Variants in OPCML observed in about 807,000 individuals in gnomAD.
The protein encoded by OPCML is opioid binding protein/cell adhesion molecule like, also known as opioid-binding protein/cell adhesion molecule.
Under a neutral mutation model 37.8 loss-of-function variants are expected in OPCML, and 13 were observed. The ratio of observed to expected loss-of-function variants is 0.34; its 90% CI spans 0.22 to 0.55. OPCML has a LOEUF of 0.55. Among genes scored for constraint, OPCML ranks in the 20% least tolerant of loss-of-function variants. OPCML has a pLI of 0.91. For missense variants in OPCML, 341 were observed against 435.6 expected, an observed-to-expected ratio of 0.78 and a Z score of 1.93; for synonymous variants, 176 against 168.8, an observed-to-expected ratio of 1.04 and a Z score of -0.33.
At chr11:132,427,726 G>A (rs952808821) in intron 7 of OPCML, among the ~76,000 whole-genome samples, 5 of 152,228 alleles carry the variant, frequency 3.3e-5, no homozygotes, top group South Asian at 4.1e-4. Flanking sequence ...CTCTGTGTCT[G>A]TGCTGACATC....
chr11:133,335,836 A>G, intron 1 of OPCML, among the ~76,000 whole-genome samples: 1 of 152,020 alleles, frequency 6.6e-6, no homozygotes, highest in East Asian at 1.9e-4. Context: ...GTTGAGGTCC[A>G]AGCAGGAAGC....
chr11:132,622,464 T>C (rs1160395090), intron 3 of OPCML, among the ~76,000 whole-genome samples: 1 of 151,968 alleles, frequency 6.6e-6, no homozygotes, highest in African/African-American at 2.4e-5. Flanking sequence ...AAGGAAGAGG[T>C]GAAATGGCAG....
Position 132,830,256 on chromosome 11 carries a change from G to T in OPCML, c.146+112670C>A, listed in dbSNP as rs568922624. 5.3e-5 allele frequency among the ~76,000 whole-genome samples: 8 copies of T among 152,280 alleles called. No individual in the cohort carries two copies. In the South Asian group the frequency reaches 1.7e-3, roughly 32 times the overall value. On this transcript the variant is annotated intron_variant, in intron 2 of 7. Coordinates refer to ENST00000524381, the MANE Select transcript of OPCML (RefSeq NM_001012393.5). ...TCTTCCAATTACTATAGAGATCAAA[G>T]TTAAACCATGCCAACTTCTCTGAGC...
chr11:132,886,517 G>A (rs1361316314), intron 2 of OPCML, among the ~76,000 whole-genome samples: 1 of 152,260 alleles, frequency 6.6e-6, no homozygotes, highest in Admixed American at 6.5e-5. Flanking sequence ...TCTCCAGCAT[G>A]TGGTCTCTGG....
chr11:133,088,393 C>T (rs1948849933), intron 1 of OPCML, among the ~76,000 whole-genome samples: 1 of 152,212 alleles, frequency 6.6e-6, no homozygotes, highest in Admixed American at 6.5e-5. Context: ...ATCCAAGTGA[C>T]CATGAGTGCT....
chr11:132,796,849 G>A lies in OPCML; in HGVS notation c.147-139530C>T, dbSNP rs373699820. On this transcript the variant is annotated intron_variant, in intron 2 of 7. Transcript: ENST00000524381. ...GTGATAGTGAGTGTGAAATGGTATC[G>A]TATTCTTTGTTTAATGGCTAATGTG... Among the ~76,000 whole-genome samples, 112 of 152,068 alleles carry A rather than the reference G, an allele frequency of 7.4e-4. 4 individuals carry two copies. The East Asian group carries it at 0.017, about 23-fold the overall frequency.
chr11:132,814,129 T>C (rs1939498114), intron 2 of OPCML, among the ~76,000 whole-genome samples: 1 of 152,202 alleles, frequency 6.6e-6, no homozygotes, highest in African/African-American at 2.4e-5. Flanking sequence ...GTTTCTTTGC[T>C]CATTCATTCA....
chr11:132,711,115 C>T (rs146548829), intron 2 of OPCML, among the ~76,000 whole-genome samples: 207 of 152,228 alleles, frequency 1.4e-3, no homozygotes, highest in Non-Finnish European at 2.5e-3. Context: ...CCCCAAATGC[C>T]ATCTGAACTT....
intron 1 of OPCML, among the ~76,000 whole-genome samples, chr11:133,479,011 T>G (rs1451589429): frequency 6.6e-6 from 1 of 152,210 alleles, no homozygotes; most frequent in Non-Finnish European, 1.5e-5. Context: ...GCTTCATTGC[T>G]TTTCTTTTTT....
At chr11:132,858,595 G>GT (rs1211608917) in intron 2 of OPCML, among the ~76,000 whole-genome samples, 2 of 152,322 alleles carry the variant, frequency 1.3e-5, no homozygotes, top group African/African-American at 4.8e-5. Context: ...TTCCCGGGGG[G>GT]TGAGGAGAAC....
At chr11:133,392,778 C>G (rs927173949) in intron 1 of OPCML, among the ~76,000 whole-genome samples, 2 of 152,238 alleles carry the variant, frequency 1.3e-5, no homozygotes, top group African/African-American at 4.8e-5. Flanking sequence ...AAAATGTGCC[C>G]ATGGCTCCTG....
At chr11:132,566,785 A>G (rs574616498) in intron 3 of OPCML, among the ~76,000 whole-genome samples, 1 of 152,298 alleles carries the variant, frequency 6.6e-6, no homozygotes, top group East Asian at 1.9e-4. Context: ...TAAAATGTCA[A>G]AAGATCTAAA....
At chr11:132,738,951 G>C (rs1945349110) in intron 2 of OPCML, among the ~76,000 whole-genome samples, 1 of 152,190 alleles carries the variant, frequency 6.6e-6, no homozygotes, top group African/African-American at 2.4e-5. Context: ...ATGATTTTGA[G>C]CTGAAAACAA....
chr11:133,159,362 C>A (rs1950111259), intron 1 of OPCML, among the ~76,000 whole-genome samples: 1 of 152,130 alleles, frequency 6.6e-6, no homozygotes, highest in Non-Finnish European at 1.5e-5. Context: ...CAACAAGTGG[C>A]CCTAAATGTT....
chr11:132,481,589 T>C (rs988880088), intron 4 of OPCML, among the ~76,000 whole-genome samples: 2 of 150,906 alleles, frequency 1.3e-5, no homozygotes, highest in Non-Finnish European at 3.0e-5. Flanking sequence ...TCTACAGAAC[T>C]CTCCACCCCA....
At chr11:132,472,308 G>A (rs1592226143) in intron 4 of OPCML, among the ~76,000 whole-genome samples, 1 of 152,128 alleles carries the variant, frequency 6.6e-6, no homozygotes, top group South Asian at 2.1e-4. Context: ...CACATAGTAA[G>A]CACTCCACAA....
At chr11:133,267,340 C>T (rs1334145360) in intron 1 of OPCML, among the ~76,000 whole-genome samples, 1 of 152,128 alleles carries the variant, frequency 6.6e-6, no homozygotes, top group Non-Finnish European at 1.5e-5. Flanking sequence ...TTCAATTTCC[C>T]ACCTCTGCCA....
chr11:132,592,704 A>G (rs1488216389), intron 3 of OPCML, among the ~76,000 whole-genome samples: 3 of 152,172 alleles, frequency 2.0e-5, no homozygotes, highest in Non-Finnish European at 1.5e-5. Flanking sequence ...TTACATACGT[A>G]CCTGCATTCA....
intron 2 of OPCML, among the ~76,000 whole-genome samples, chr11:132,728,655 T>C (rs1202079609): frequency 6.6e-6 from 1 of 152,088 alleles, no homozygotes; most frequent in Non-Finnish European, 1.5e-5. Context: ...GTGCCTAAAA[T>C]AGTACCAGGC....
Sources: allele counts gnomAD v4.1 joint callset (sites outside exome capture counted in the v4.1 genomes callset), GRCh38; gene constraint gnomAD v4.1.1; transcripts MANE v1.5; gene names NCBI Gene and HGNC (gene_info 2026-07-23, HGNC 2026-07-21).